Variants in LEO1 observed in about 807,000 individuals in gnomAD.
LEO1 encodes RNA polymerase-associated protein LEO1.
In LEO1, 34 loss-of-function variants were observed where a neutral mutation model predicts 80.4. That is an observed-to-expected ratio of 0.42 (90% CI 0.32 to 0.56). The LOEUF (loss-of-function observed/expected upper bound fraction) is 0.56, where lower values mean the gene tolerates loss of function less well. Among genes scored for constraint, LEO1 ranks in the 20% least tolerant of loss-of-function variants. LEO1 has a pLI of 0.10. For missense variants in LEO1, 631 were observed against 814.2 expected, an observed-to-expected ratio of 0.77 and a Z score of 2.74; for synonymous variants, 262 against 274.9, an observed-to-expected ratio of 0.95 and a Z score of 0.46.
chr15:51,962,891 T>C (rs1389525046), intron 2 of LEO1, among the ~76,000 whole-genome samples: 1 of 151,782 alleles, frequency 6.6e-6, no homozygotes, highest in African/African-American at 2.4e-5. Flanking sequence ...TCTATAGATA[T>C]GTTAACATGA....
chr15:51,951,678 T>C (rs1302780717), intron 9 of LEO1, among the ~76,000 whole-genome samples, 166 bp downstream of exon 9: 2 of 152,186 alleles, frequency 1.3e-5, no homozygotes, highest in Non-Finnish European at 2.9e-5. Flanking sequence ...CATTGCCACG[T>C]CACCAATTGT....
Position 51,949,593 on chromosome 15 carries a change from G to A in LEO1, c.1798+215C>T, listed in dbSNP as rs138635981. Among the ~76,000 whole-genome samples the A allele has an allele frequency of 1.2e-3, 179 of 151,812 alleles. No individual in the cohort carries two copies. The East Asian group carries it at 0.013, about 11-fold the overall frequency. The stretch of plus-strand genomic sequence containing the variant: ...CGCACACCTGTAATCCCAGCTACTC[G>A]GGAGGCTGAGGCAGGAGAATCACTT... On this transcript the variant is annotated intron_variant, in intron 10 of 11. Coordinates refer to ENST00000299601, the MANE Select transcript of LEO1 (RefSeq NM_138792.4).
chr15:51,960,620 ATG>A lies in LEO1; in HGVS notation c.1014+17_1014+18del. The A allele has an allele frequency of 7.2e-7, 1 of 1,396,592 alleles. No homozygotes were observed. The highest frequency in any genetic ancestry group is 1.0e-6 in the Non-Finnish European group (1 of 981,938). The allele number at this position is 1,396,592 out of a possible 1,614,324, so 86.5% of individuals were successfully genotyped here. A position where few individuals can be genotyped will look rare whatever the true frequency, so the allele number is the denominator to read the frequency against. On this transcript the variant is annotated intron_variant, in intron 4 of 11. Coordinates refer to ENST00000299601, the MANE Select transcript of LEO1 (RefSeq NM_138792.4). ...TTTATGCCTGGCCTTGAATAAGTTC[ATG>A]TTACTAACTGACTTACAACAGGCTG...
intron 7 of LEO1, 110 bp downstream of exon 7, chr15:51,954,371 G>T (rs1323284151): frequency 2.9e-6 from 2 of 688,950 alleles, no homozygotes; most frequent in Non-Finnish European, 5.1e-6. Context: ...AACAGAGTGA[G>T]ACCCCATTTC....
intron 11 of LEO1, among the ~76,000 whole-genome samples, chr15:51,940,036 A>G (rs2056835367): frequency 6.6e-6 from 1 of 152,128 alleles, no homozygotes; most frequent in Non-Finnish European, 1.5e-5. Context: ...CGGGCAGATC[A>G]CGAGGTCAGG....
At chr15:51,970,557 C>G (rs2141789003) in intron 1 of LEO1, among the ~76,000 whole-genome samples, 1 of 152,254 alleles carries the variant, frequency 6.6e-6, no homozygotes, top group East Asian at 1.9e-4. Flanking sequence ...GCTACAATGC[C>G]TTGAAGACAT....
chr15:51,953,993 G>A (rs2056968767), intron 7 of LEO1, among the ~76,000 whole-genome samples: 1 of 151,458 alleles, frequency 6.6e-6, no homozygotes, highest in Admixed American at 6.6e-5. Flanking sequence ...GAGTGCAGTG[G>A]CGCGATCTCG....
rs766957096 is a variant in LEO1 at position 51,971,778 on chromosome 15, G to A, written c.-33C>T. On this transcript the variant is annotated 5_prime_UTR_variant, in exon 1 of 12. Transcript: ENST00000299601. Reference sequence around the variant, plus strand: ...CACGTCCGCTGCTGCCTCGGTTAGGGGCAGCTCCCGGCCTCTCTTTACGGC... The same window carrying A: ...CACGTCCGCTGCTGCCTCGGTTAGGAGCAGCTCCCGGCCTCTCTTTACGGC... The A allele has an allele frequency of 2.1e-5, 34 of 1,609,192 alleles. No individual in the cohort carries two copies. In the East Asian group the frequency reaches 5.1e-4, roughly 24 times the overall value.
chr15:51,945,442 C>G (rs1438969597), intron 11 of LEO1, among the ~76,000 whole-genome samples: 3 of 151,940 alleles, frequency 2.0e-5, no homozygotes, highest in African/African-American at 7.3e-5. Flanking sequence ...GCATGCAACA[C>G]TCTCCAGAGA....
At chr15:51,954,653 TAATCACAG>T in intron 6 of LEO1, 78 bp from the exon 7 acceptor site, 1 of 918,852 alleles carries the variant, frequency 1.1e-6, no homozygotes, top group Non-Finnish European at 1.8e-6. Context: ...AAGAGGCACA[TAATCACAG>T]AATAAGCATA....
chr15:51,947,431 T>G (rs759026110), intron 10 of LEO1, 42 bp from the exon 11 acceptor site: 3 of 1,383,520 alleles, frequency 2.2e-6, no homozygotes, highest in Non-Finnish European at 3.1e-6. Context: ...TTTTTTTTTT[T>G]CTGAGACAGG....
intron 6 of LEO1, chr15:51,954,826 C>A: frequency 2.3e-6 from 1 of 426,086 alleles, no homozygotes; most frequent in Non-Finnish European, 4.2e-6. Context: ...AAGCTTAGAG[C>A]ATTTGAGCAG....
At chr15:51,947,172 G>T in intron 11 of LEO1, 120 bp downstream of exon 11, 1 of 739,058 alleles carries the variant, frequency 1.4e-6, no homozygotes. Flanking sequence ...TATCTCACTG[G>T]ATTTCAGTGA....
intron 11 of LEO1, among the ~76,000 whole-genome samples, chr15:51,941,208 T>C (rs2056849582): frequency 6.6e-6 from 1 of 152,232 alleles, no homozygotes; most frequent in Non-Finnish European, 1.5e-5. Flanking sequence ...ACTTCATTTT[T>C]GTGAAATTAC....
chr15:51,970,288 C>T lies in LEO1; in HGVS notation c.58+1400G>A, dbSNP rs995765042. Among the ~76,000 whole-genome samples, 3 of 152,238 alleles carry T rather than the reference C, an allele frequency of 2.0e-5. No homozygotes were observed. The South Asian group carries it at 6.2e-4, about 32-fold the overall frequency. ...TTCTCATGCCTCAGCCTTCTGAGTACCTGGGACTACAGGCACGCACGACCA... is the reference window on the plus strand; with the variant it reads ...TTCTCATGCCTCAGCCTTCTGAGTATCTGGGACTACAGGCACGCACGACCA... On this transcript the variant is annotated intron_variant, in intron 1 of 11. Transcript: ENST00000299601.
intron 1 of LEO1, among the ~76,000 whole-genome samples, chr15:51,970,070 A>G (rs1433828841): frequency 6.6e-6 from 1 of 152,142 alleles, no homozygotes. Flanking sequence ...CTGCTCCTCA[A>G]AATATTAAAG....
intron 7 of LEO1, 63 bp from the exon 8 acceptor site, chr15:51,953,326 C>T (rs965523360): frequency 6.3e-5 from 99 of 1,565,370 alleles, no homozygotes; most frequent in Non-Finnish European, 8.3e-5. Flanking sequence ...TCTTACTTCA[C>T]TTAAAGGTGA....
At chr15:51,967,122 C>CA (rs2057084343) in intron 1 of LEO1, among the ~76,000 whole-genome samples, 1 of 151,982 alleles carries the variant, frequency 6.6e-6, no homozygotes, top group Non-Finnish European at 1.5e-5. Flanking sequence ...TTAAGTTATA[C>CA]CAATGTATGC....
chr15:51,958,831 A>G lies in LEO1; in HGVS notation c.1161-5T>C. 1 of 1,512,010 alleles carries G rather than the reference A, an allele frequency of 6.6e-7. No homozygotes were observed. The highest frequency in any genetic ancestry group is 2.3e-5 in the East Asian group (1 of 43,904). 93.7% of individuals were successfully genotyped at this position (1,512,010 alleles called of 1,614,324 possible). ...TAATACTGAGGATCAAAAGGTCTAC[A>G]AATTGTTTTCCAAATAAACTATTAA... On this transcript the variant is annotated splice_polypyrimidine_tract_variant and splice_region_variant and intron_variant, in intron 5 of 11. Transcript: ENST00000299601.
Sources: allele counts gnomAD v4.1 joint callset (sites outside exome capture counted in the v4.1 genomes callset), GRCh38; gene constraint gnomAD v4.1.1; transcripts MANE v1.5; gene names NCBI Gene and HGNC (gene_info 2026-07-23, HGNC 2026-07-21).